The following CNTN5 variants were observed in gnomAD, a reference collection of about 807,000 sequenced individuals.
CNTN5 encodes contactin-5.
CNTN5 carries 77 observed loss-of-function variants against 129.1 expected under a neutral mutation model. The ratio of observed to expected loss-of-function variants is 0.60; its 90% CI spans 0.50 to 0.72. The LOEUF is 0.72. Ranked by LOEUF, CNTN5 falls within the 30% of genes least tolerant of loss-of-function variation. CNTN5 has a pLI of 0.00. For synonymous variants in CNTN5, 509 were observed against 465.6 expected (o/e 1.09, Z -1.20); for missense variants, 1,478 against 1,328.8 (o/e 1.11, Z -1.75).
intron 3 of CNTN5, among the ~76,000 whole-genome samples, chr11:99,581,843 T>C (rs1381642059): frequency 6.6e-6 from 1 of 152,202 alleles, no homozygotes; most frequent in Non-Finnish European, 1.5e-5. Flanking sequence ...TTATTATTGT[T>C]ATATGTGAAT....
intron 13 of CNTN5, among the ~76,000 whole-genome samples, chr11:100,092,980 A>G (rs1198648058): frequency 6.6e-6 from 1 of 152,094 alleles, no homozygotes; most frequent in Non-Finnish European, 1.5e-5. Context: ...TTGGAGAAAA[A>G]GCTAAGTTCC....
chr11:100,042,891 A>G (rs1368312938), intron 9 of CNTN5, among the ~76,000 whole-genome samples: 1 of 152,234 alleles, frequency 6.6e-6, no homozygotes, highest in Non-Finnish European at 1.5e-5. Flanking sequence ...TGCTTATTGT[A>G]GATGAAAATC....
chr11:99,504,186 TTTTGATAATAATC>T (rs1425502158), intron 2 of CNTN5, among the ~76,000 whole-genome samples: 1 of 152,166 alleles, frequency 6.6e-6, no homozygotes, highest in African/African-American at 2.4e-5. Flanking sequence ...TAAACTAATA[TTTTGATAATAATC>T]CTAGCACCCA....
chr11:99,050,862 C>T (rs898322502), intron 1 of CNTN5, among the ~76,000 whole-genome samples: 1 of 151,812 alleles, frequency 6.6e-6, no homozygotes, highest in Non-Finnish European at 1.5e-5. Flanking sequence ...TTAACTACAG[C>T]TTGCTCTTTT....
chr11:99,734,027 C>A (rs1943620048), intron 3 of CNTN5, among the ~76,000 whole-genome samples: 1 of 152,120 alleles, frequency 6.6e-6, no homozygotes, highest in Non-Finnish European at 1.5e-5. Context: ...TTACTGTGGT[C>A]AGCTTCTTTG....
intron 3 of CNTN5, among the ~76,000 whole-genome samples, chr11:99,807,965 T>A (rs1445839170): frequency 1.3e-5 from 2 of 152,120 alleles, no homozygotes; most frequent in South Asian, 2.1e-4. Flanking sequence ...CCCTGTAACT[T>A]ATTCCCTAAG....
chr11:100,123,483 T>C (rs530909410), intron 13 of CNTN5, among the ~76,000 whole-genome samples: 3 of 152,174 alleles, frequency 2.0e-5, no homozygotes, highest in South Asian at 2.1e-4. Context: ...TTTGATGTCA[T>C]TTAACTGATT....
At chr11:100,152,377 C>T (rs918312617) in intron 13 of CNTN5, among the ~76,000 whole-genome samples, 1 of 152,194 alleles carries the variant, frequency 6.6e-6, no homozygotes. Flanking sequence ...TCCCCTGACT[C>T]CCTGTTCCAA....
At chr11:99,787,814 C>G (rs932234997) in intron 3 of CNTN5, among the ~76,000 whole-genome samples, 11 of 151,904 alleles carry the variant, frequency 7.2e-5, no homozygotes, top group Non-Finnish European at 7.4e-5. Context: ...CTCTCGTGAC[C>G]TCATTCTATA....
intron 9 of CNTN5, among the ~76,000 whole-genome samples, chr11:100,023,376 A>G (rs1941262526): frequency 1.3e-5 from 2 of 152,148 alleles, no homozygotes; most frequent in Admixed American, 1.3e-4. Flanking sequence ...TTTTAGGCTG[A>G]CCGCAAAAGT....
chr11:99,763,083 A>C (rs975603158), intron 3 of CNTN5, among the ~76,000 whole-genome samples: 1 of 152,140 alleles, frequency 6.6e-6, no homozygotes, highest in Non-Finnish European at 1.5e-5. Flanking sequence ...CTCTGTATCA[A>C]AACATAACAC....
intron 1 of CNTN5, among the ~76,000 whole-genome samples, chr11:99,210,097 T>G (rs1047690370): frequency 6.6e-6 from 1 of 152,150 alleles, no homozygotes; most frequent in Non-Finnish European, 1.5e-5. Context: ...TTTAGAAAGG[T>G]TTTAGATTTG....
At chr11:100,277,414 G>A (rs558892473) in intron 18 of CNTN5, among the ~76,000 whole-genome samples, 1 of 152,262 alleles carries the variant, frequency 6.6e-6, no homozygotes, top group South Asian at 2.1e-4. Flanking sequence ...TCTCCGTAGT[G>A]TTGTACTAAT....
chr11:99,154,951 T>C (rs569190369), intron 1 of CNTN5, among the ~76,000 whole-genome samples: 1 of 152,326 alleles, frequency 6.6e-6, no homozygotes, highest in South Asian at 2.1e-4. Context: ...CAGACGGTCC[T>C]GCTCCACGTC....
intron 3 of CNTN5, among the ~76,000 whole-genome samples, chr11:99,796,980 C>G (rs1945964712): frequency 6.6e-6 from 1 of 152,022 alleles, no homozygotes; most frequent in South Asian, 2.1e-4. Context: ...CCCTAGGAGT[C>G]TTTGGGTGCC....
chr11:99,717,562 A>G (rs2135002578), intron 3 of CNTN5, among the ~76,000 whole-genome samples: 1 of 152,186 alleles, frequency 6.6e-6, no homozygotes, highest in East Asian at 1.9e-4. Context: ...TTGATTGTTT[A>G]AATTTTTTAA....
chr11:99,468,173 C>T (rs1233363744), intron 2 of CNTN5, among the ~76,000 whole-genome samples: 1 of 152,024 alleles, frequency 6.6e-6, no homozygotes, highest in Non-Finnish European at 1.5e-5. Flanking sequence ...GGGTGAACTC[C>T]CTCAGATATA....
At chr11:99,376,159 A>C (rs1192102367) in intron 2 of CNTN5, among the ~76,000 whole-genome samples, 10 of 152,240 alleles carry the variant, frequency 6.6e-5, no homozygotes, top group Non-Finnish European at 1.5e-4. Context: ...TGGATATTGC[A>C]TATGAAGAAT....
intron 3 of CNTN5, among the ~76,000 whole-genome samples, chr11:99,795,452 T>G (rs1343886219): frequency 6.6e-6 from 1 of 152,184 alleles, no homozygotes; most frequent in African/African-American, 2.4e-5. Flanking sequence ...TAAGAATCAT[T>G]TTCTGGGGAA....
Sources: allele counts gnomAD v4.1 joint callset (sites outside exome capture counted in the v4.1 genomes callset), GRCh38; gene constraint gnomAD v4.1.1; transcripts MANE v1.5; gene names NCBI Gene and HGNC (gene_info 2026-07-23, HGNC 2026-07-21).